CERS4: variants seen among roughly 807,000 people sequenced by gnomAD.
The protein encoded by CERS4 is ceramide synthase 4.
In CERS4, 65 loss-of-function variants were observed where a neutral mutation model predicts 51.8. The ratio of observed to expected loss-of-function variants is 1.26; its 90% confidence interval spans 1.03 to 1.54. CERS4 has a LOEUF of 1.54. Ranked by LOEUF, CERS4 falls within the 40% of genes most tolerant of loss-of-function variation. CERS4 has a pLI of 0.00. For missense variants in CERS4, 563 were observed against 500.4 expected, an observed-to-expected ratio of 1.13 and a Z score of -1.19; for synonymous variants, 228 against 208.4, an observed-to-expected ratio of 1.09 and a Z score of -0.81.
chr19:8,227,268 A>G (rs2145198197), intron 2 of CERS4, among the ~76,000 whole-genome samples: 1 of 152,184 alleles, frequency 6.6e-6, no homozygotes, highest in East Asian at 1.9e-4. Context: ...TTCATGTACT[A>G]TAATTTTCTA....
chr19:8,256,351 T>C, intron 7 of CERS4, 65 bp downstream of exon 7: 1 of 1,566,530 alleles, frequency 6.4e-7, no homozygotes, highest in South Asian at 1.1e-5. Context: ...GCTGCAGCCA[T>C]GGGCATGGGA....
Position 8,251,849 on chromosome 19 carries a change from C to T in CERS4, c.173+600C>T, listed in dbSNP as rs970822561. On this transcript the variant is annotated intron_variant, in intron 3 of 11. Transcript: ENST00000251363. Reference sequence around the variant, plus strand: ...GGTGTTATCCCATCCCAAAGGCATCCCAGGGCCTCTGTGAAGGACAGTGGG... The same window carrying T: ...GGTGTTATCCCATCCCAAAGGCATCTCAGGGCCTCTGTGAAGGACAGTGGG... Among the ~76,000 whole-genome samples the T allele has an allele frequency of 5.3e-5, 8 of 151,984 alleles. No individual in the cohort carries two copies. The South Asian group carries it at 8.3e-4, about 16-fold the overall frequency.
chr19:8,247,262 C>T (rs1163663002), intron 2 of CERS4, among the ~76,000 whole-genome samples: 2 of 152,070 alleles, frequency 1.3e-5, no homozygotes. Flanking sequence ...TCCCCTCCTC[C>T]CTCTCTCCCC....
intron 2 of CERS4, among the ~76,000 whole-genome samples, chr19:8,221,888 T>G (rs1382800850): frequency 1.0e-4 from 12 of 116,210 alleles, no homozygotes; most frequent in East Asian, 2.5e-4. Flanking sequence ...TTTTTTTTTT[T>G]TTTTTTTTTT....
Position 8,243,669 on chromosome 19 carries a change from A to C in CERS4, c.-1-7407A>C, listed in dbSNP as rs1373138164. Reference sequence around the variant, plus strand: ...TTCCTTTTTTTTTTTTTTCCCCCAAAACAGGGTCTTGTTGACCCCTTGCTG... The same window carrying C: ...TTCCTTTTTTTTTTTTTTCCCCCAACACAGGGTCTTGTTGACCCCTTGCTG... On this transcript the variant is annotated intron_variant, in intron 2 of 11. Transcript: ENST00000251363. Among the ~76,000 whole-genome samples, 3 of 151,518 alleles carry C rather than the reference A, an allele frequency of 2.0e-5. No homozygotes were observed. The East Asian group carries it at 5.8e-4, about 29-fold the overall frequency.
At chr19:8,236,432 C>T (rs1434766183) in intron 2 of CERS4, among the ~76,000 whole-genome samples, 1 of 152,148 alleles carries the variant, frequency 6.6e-6, no homozygotes, top group Non-Finnish European at 1.5e-5. Context: ...TGGTTCATGC[C>T]TGCAATCCCA....
intron 2 of CERS4, among the ~76,000 whole-genome samples, chr19:8,228,336 G>A (rs1967870083): frequency 6.6e-6 from 1 of 152,116 alleles, no homozygotes; most frequent in African/African-American, 2.4e-5. Flanking sequence ...AATTAAACAC[G>A]ATTAATGGTA....
chr19:8,227,327 G>A (rs79785117), intron 2 of CERS4, among the ~76,000 whole-genome samples: 3,164 of 151,990 alleles, frequency 0.021, 190 homozygotes, highest in East Asian at 0.18. Flanking sequence ...ATATGATTCA[G>A]GTTTTTTTTC....
At position 8,239,696 on chromosome 19, in the gene CERS4, G is replaced by C. The variant is rs183379007; in HGVS notation, c.-1-11380G>C. On this transcript the variant is annotated intron_variant, in intron 2 of 11. Transcript: ENST00000251363. ...GAGCCTTGGGCTTCCCAGTTCCCAC[G>C]TTTCCTTTATGGGAATGTTTATGGA... 2.6e-5 allele frequency: 4 copies of C among 152,016 alleles called. No individual in the cohort carries two copies. The East Asian group carries it at 7.7e-4, about 29-fold the overall frequency. 9.4% of individuals were successfully genotyped at this position (152,016 alleles called of 1,614,324 possible).
At chr19:8,215,409 G>A (rs896318548) in intron 2 of CERS4, among the ~76,000 whole-genome samples, 62 of 151,934 alleles carry the variant, frequency 4.1e-4, no homozygotes, top group African/African-American at 1.1e-3. Context: ...AACCAGGGGG[G>A]CGGAGGTTGC....
rs561405432 is a variant in CERS4 at position 8,220,829 on chromosome 19, G to GT, written c.-2+9977dup. ...ACTGCTGTTTTGTGTTTTTTTTTTT[G>GT]TTTTTTTTTTGAGACGGAGTCTCGC... is the stretch of plus-strand genomic sequence containing the variant. On this transcript the variant is annotated intron_variant, in intron 2 of 11. Transcript: ENST00000251363. 7.6e-3 allele frequency among the ~76,000 whole-genome samples: 1,010 copies of GT among 133,364 alleles called. 9 individuals carry two copies. The highest frequency in any genetic ancestry group is 0.018 in the South Asian group (72 of 4,026). The allele number at this position is 133,364 out of a possible 152,430, so 87.5% of individuals were successfully genotyped here. A position where few individuals can be genotyped will look rare whatever the true frequency, so the allele number is the denominator to read the frequency against.
At chr19:8,255,539 T>C in intron 4 of CERS4, 68 bp from the exon 5 acceptor site, 2 of 1,391,030 alleles carry the variant, frequency 1.4e-6, no homozygotes, top group South Asian at 2.6e-5. Context: ...AGCCAAGTCC[T>C]GTCTGGGGAC....
At chr19:8,240,733 T>C (rs1444917648) in intron 2 of CERS4, among the ~76,000 whole-genome samples, 1 of 152,096 alleles carries the variant, frequency 6.6e-6, no homozygotes, top group Admixed American at 6.5e-5. Context: ...CCTATGTGCA[T>C]AGCTCTGATC....
At chr19:8,231,851 A>ATTTTTTTTTTTTTTTTTTTTTTTTTT (rs3042169) in intron 2 of CERS4, among the ~76,000 whole-genome samples, 1 of 104,408 alleles carries the variant, frequency 9.6e-6, no homozygotes, top group African/African-American at 4.2e-5. Context: ...TGTGCCCAGC[A>ATTTTTTTTTTTTTTTTTTTTTTTTTT]TTTTTTTTTT....
chr19:8,254,877 C>CG (rs897652832), intron 4 of CERS4, among the ~76,000 whole-genome samples: 5 of 151,802 alleles, frequency 3.3e-5, no homozygotes, highest in Non-Finnish European at 7.4e-5. Context: ...AGATGAGGAC[C>CG]CCCCCCTTCC....
chr19:8,255,370 C>A (rs1002878973), intron 4 of CERS4, among the ~76,000 whole-genome samples: 8 of 152,152 alleles, frequency 5.3e-5, no homozygotes, highest in Non-Finnish European at 1.2e-4. Flanking sequence ...CTCTCTTAAT[C>A]CCATCCCCGT....
chr19:8,240,284 C>A (rs141245065), intron 2 of CERS4, among the ~76,000 whole-genome samples: 1 of 151,996 alleles, frequency 6.6e-6, no homozygotes, highest in African/African-American at 2.4e-5. Context: ...TCAGGTAAGG[C>A]GGAACCTTGA....
At chr19:8,221,106 T>C (rs965790314) in intron 2 of CERS4, among the ~76,000 whole-genome samples, 1 of 151,730 alleles carries the variant, frequency 6.6e-6, no homozygotes, top group Non-Finnish European at 1.5e-5. Context: ...ATTACAGGCG[T>C]GAGCCACTGT....
chr19:8,217,091 G>T (rs1967331701), intron 2 of CERS4, among the ~76,000 whole-genome samples: 1 of 152,088 alleles, frequency 6.6e-6, no homozygotes, highest in Admixed American at 6.6e-5. Context: ...GGACATTTAT[G>T]ACTTTCCCAC....
Sources: allele counts gnomAD v4.1 joint callset (sites outside exome capture counted in the v4.1 genomes callset), GRCh38; gene constraint gnomAD v4.1.1; transcripts MANE v1.5; gene names NCBI Gene and HGNC (gene_info 2026-07-23, HGNC 2026-07-21).